Variants in GPC5 observed in about 807,000 individuals in gnomAD.
GPC5 encodes glypican 5.
GPC5 carries 47 observed loss-of-function variants against 53.9 expected under a neutral mutation model. The observed-to-expected ratio is 0.87, with a 90% CI of 0.69 to 1.11. GPC5 has a LOEUF of 1.11. Ranked by LOEUF, GPC5 falls within the 50% of genes most tolerant of loss-of-function variation. The pLI is 0.00. For missense variants in GPC5, 748 were observed against 713.1 expected, an observed-to-expected ratio of 1.05 and a Z score of -0.56; for synonymous variants, 286 against 263.3, an observed-to-expected ratio of 1.09 and a Z score of -0.84.
At chr13:92,089,437 AAAAT>A (rs1343205378) in intron 6 of GPC5, among the ~76,000 whole-genome samples, 8 of 152,218 alleles carry the variant, frequency 5.3e-5, no homozygotes, top group Admixed American at 5.2e-4. Context: ...CTCTCTCAAA[AAAAT>A]AAATAAATAA....
intron 5 of GPC5, among the ~76,000 whole-genome samples, chr13:91,805,367 T>A (rs1347490297): frequency 6.6e-6 from 1 of 152,206 alleles, no homozygotes; most frequent in Non-Finnish European, 1.5e-5. Context: ...ATGCATGTAC[T>A]TACAAGTTGT....
At chr13:92,493,407 G>T (rs932722154) in intron 7 of GPC5, among the ~76,000 whole-genome samples, 1 of 152,174 alleles carries the variant, frequency 6.6e-6, no homozygotes, top group South Asian at 2.1e-4. Flanking sequence ...GGATTTAATA[G>T]AATAGAATTT....
chr13:91,689,573 T>A (rs2035709920), intron 2 of GPC5, among the ~76,000 whole-genome samples: 2 of 151,454 alleles, frequency 1.3e-5, no homozygotes, highest in South Asian at 4.1e-4. Context: ...AAAAATGTTT[T>A]CTTTATATCC....
chr13:91,652,252 A>G (rs1480611592), intron 2 of GPC5, among the ~76,000 whole-genome samples: 6 of 151,978 alleles, frequency 3.9e-5, no homozygotes, highest in Non-Finnish European at 5.9e-5. Context: ...TACCTTTTGT[A>G]AACTGAGGTG....
chr13:91,936,341 CA>C (rs1209475290), intron 6 of GPC5, among the ~76,000 whole-genome samples: 1 of 151,960 alleles, frequency 6.6e-6, no homozygotes, highest in African/African-American at 2.4e-5. Flanking sequence ...CTGAATCACA[CA>C]GTAGGTTTTA....
At chr13:92,115,404 G>T (rs980566167) in intron 6 of GPC5, among the ~76,000 whole-genome samples, 5 of 152,172 alleles carry the variant, frequency 3.3e-5, no homozygotes, top group African/African-American at 1.2e-4. Context: ...TACTGGGAAG[G>T]TTGAAGCAGG....
chr13:91,609,722 G>A (rs1245390167), intron 2 of GPC5, among the ~76,000 whole-genome samples: 2 of 152,134 alleles, frequency 1.3e-5, no homozygotes, highest in Non-Finnish European at 2.9e-5. Flanking sequence ...ACCCCACTTT[G>A]CTCTACAACT....
intron 7 of GPC5, among the ~76,000 whole-genome samples, chr13:92,420,829 C>CT (rs1876525213): frequency 6.6e-6 from 1 of 152,176 alleles, no homozygotes; most frequent in South Asian, 2.1e-4. Flanking sequence ...GATTTCATTC[C>CT]TTTTATGGCT....
At position 92,475,764 on chromosome 13, in the gene GPC5, G is replaced by T. The variant is rs141007739; in HGVS notation, c.1561+330775G>T. On this transcript the variant is annotated intron_variant, in intron 7 of 7. Coordinates refer to ENST00000377067, the MANE Select transcript of GPC5 (RefSeq NM_004466.6). The stretch of plus-strand genomic sequence containing the variant: ...TACAGCTATCTGATCTTTGACCTGA[G>T]AAAACCTGAGAAACACAAGCAATGG... Among the ~76,000 whole-genome samples, 6 of 152,114 alleles carry T rather than the reference G, an allele frequency of 3.9e-5. No individual in the cohort carries two copies. In the South Asian group the frequency reaches 6.2e-4, roughly 16 times the overall value.
At chr13:92,753,637 G>C (rs1488955039) in intron 7 of GPC5, among the ~76,000 whole-genome samples, 6 of 152,232 alleles carry the variant, frequency 3.9e-5, no homozygotes, top group Middle Eastern at 6.8e-3. Flanking sequence ...GTGCTTAAAG[G>C]AGCTGATGGA....
chr13:91,814,276 T>C (rs988180122), intron 5 of GPC5, among the ~76,000 whole-genome samples: 5 of 152,120 alleles, frequency 3.3e-5, no homozygotes, highest in Non-Finnish European at 1.5e-5. Context: ...TTATGTACTC[T>C]TGAAACTATA....
chr13:91,934,309 G>A (rs983675181), intron 6 of GPC5, among the ~76,000 whole-genome samples: 2 of 151,910 alleles, frequency 1.3e-5, no homozygotes, highest in African/African-American at 4.8e-5. Flanking sequence ...CAGAAGTGAA[G>A]TATTGTAAAA....
At chr13:91,817,919 T>C (rs1197957741) in intron 5 of GPC5, among the ~76,000 whole-genome samples, 1 of 152,186 alleles carries the variant, frequency 6.6e-6, no homozygotes, top group Non-Finnish European at 1.5e-5. Context: ...CCTTTTTTTC[T>C]TAAAAACAAC....
chr13:92,759,020 G>A (rs1299222302), intron 7 of GPC5, among the ~76,000 whole-genome samples: 5 of 18,208 alleles, frequency 2.7e-4, no homozygotes, highest in Non-Finnish European at 3.4e-4. Flanking sequence ...TTTTTTTTTT[G>A]GTGCTGTCAT....
Position 92,632,485 on chromosome 13 carries a change from T to TATATATATATATATAC in GPC5, c.1562-233796_1562-233795insTATATATATATATACA, listed in dbSNP as rs138355646. Among the ~76,000 whole-genome samples the TATATATATATATATAC allele has an allele frequency of 3.5e-3, 485 of 137,574 alleles. 1 individual carries two copies. Among genetic ancestry groups the TATATATATATATATAC allele is most frequent in the Middle Eastern group, 7.6e-3 (2 of 262 alleles). The allele number at this position is 137,574 out of a possible 152,430, so 90.3% of individuals were successfully genotyped here. A position where few individuals can be genotyped will look rare whatever the true frequency, so the allele number is the denominator to read the frequency against. ...CCACATATATATATATATATATATA[T>TATATATATATATATAC]ACACATATATATATGCACACACACA... is the stretch of plus-strand genomic sequence containing the variant. On this transcript the variant is annotated intron_variant, in intron 7 of 7. Coordinates refer to ENST00000377067, the MANE Select transcript of GPC5 (RefSeq NM_004466.6).
chr13:92,549,884 T>TACAAACACAC (rs1555289389), intron 7 of GPC5, among the ~76,000 whole-genome samples: 1 of 140,804 alleles, frequency 7.1e-6, no homozygotes, highest in African/African-American at 2.6e-5. Context: ...AACACACACA[T>TACAAACACAC]ACACACACAC....
intron 7 of GPC5, chr13:92,449,146 G>A (rs1877954905): frequency 6.6e-6 from 1 of 151,978 alleles, no homozygotes; most frequent in Admixed American, 6.6e-5. Context: ...TCAAAAATGT[G>A]ATATTCAAGG....
intron 2 of GPC5, among the ~76,000 whole-genome samples, chr13:91,487,188 G>C (rs976102879): frequency 4.6e-5 from 7 of 152,090 alleles, no homozygotes; most frequent in East Asian, 1.9e-4. Context: ...GGGTGGAGAT[G>C]GGGGGAAGTC....
At chr13:92,599,978 G>A (rs995322865) in intron 7 of GPC5, among the ~76,000 whole-genome samples, 2 of 152,114 alleles carry the variant, frequency 1.3e-5, no homozygotes, top group African/African-American at 4.8e-5. Context: ...ATATTTAAAA[G>A]ACATTTAACA....
Sources: allele counts gnomAD v4.1 joint callset (sites outside exome capture counted in the v4.1 genomes callset), GRCh38; gene constraint gnomAD v4.1.1; transcripts MANE v1.5; gene names NCBI Gene and HGNC (gene_info 2026-07-23, HGNC 2026-07-21).